C1orf21: variants seen among roughly 807,000 people sequenced by gnomAD.
C1orf21 encodes chromosome 1 open reading frame 21.
Under a neutral mutation model 18.7 loss-of-function variants are expected in C1orf21, and 3 were observed. That is an observed-to-expected ratio of 0.16 (90% confidence interval 0.07 to 0.42). The LOEUF (loss-of-function observed/expected upper bound fraction) is 0.42, where lower values mean the gene tolerates loss of function less well. Among genes scored for constraint, C1orf21 ranks in the 10% least tolerant of loss-of-function variants. The pLI, the probability that C1orf21 is intolerant of heterozygous loss-of-function variation, is 0.99. For missense variants in C1orf21, 104 were observed against 143.6 expected (o/e 0.72, Z 1.41); for synonymous variants, 41 against 46.4 (o/e 0.88, Z 0.47).
rs35574574 is a variant in C1orf21 at position 184,559,589 on chromosome 1, CCCTTCCTT to C, written c.190-31134_190-31127del. ...TCTTCCCCTCCCTCCCTCTCTTCCT[CCCTTCCTT>C]CCTTCCTTCCTTCCTCCCTCCCTCC... On this transcript the variant is annotated intron_variant, in intron 3 of 5. Coordinates refer to ENST00000235307, the MANE Select transcript of C1orf21 (RefSeq NM_030806.4). 9.1e-5 allele frequency among the ~76,000 whole-genome samples: 9 copies of C among 98,654 alleles called. No homozygotes were observed. In the East Asian group the frequency reaches 2.8e-3, roughly 31 times the overall value. The allele number at this position is 98,654 out of a possible 152,430, so 64.7% of individuals were successfully genotyped here.
intron 1 of C1orf21, among the ~76,000 whole-genome samples, chr1:184,392,042 T>G (rs1484047236): frequency 6.6e-6 from 1 of 152,232 alleles, no homozygotes; most frequent in African/African-American, 2.4e-5. Context: ...AGGAGCATCT[T>G]GATTTGGAAT....
At chr1:184,472,914 CG>C (rs1405917682) in intron 1 of C1orf21, among the ~76,000 whole-genome samples, 1 of 152,070 alleles carries the variant, frequency 6.6e-6, no homozygotes, top group East Asian at 1.9e-4. Context: ...TAAACATGCA[CG>C]GTTATACATT....
chr1:184,429,452 T>C (rs1656696508), intron 1 of C1orf21, among the ~76,000 whole-genome samples: 1 of 152,194 alleles, frequency 6.6e-6, no homozygotes, highest in East Asian at 1.9e-4. Flanking sequence ...AATTCTGTGA[T>C]TGTATGATTC....
chr1:184,410,229 G>A (rs1406906422), intron 1 of C1orf21, among the ~76,000 whole-genome samples: 1 of 152,102 alleles, frequency 6.6e-6, no homozygotes, highest in African/African-American at 2.4e-5. Flanking sequence ...TGTCTGGGTA[G>A]GTGAAGATGT....
intron 5 of C1orf21, among the ~76,000 whole-genome samples, chr1:184,599,961 C>T (rs1301226639): frequency 6.6e-6 from 1 of 152,184 alleles, no homozygotes; most frequent in Non-Finnish European, 1.5e-5. Context: ...ATAAGGAATA[C>T]TCAACCTGTA....
chr1:184,464,968 G>C (rs1250638108), intron 1 of C1orf21, among the ~76,000 whole-genome samples: 1 of 152,060 alleles, frequency 6.6e-6, no homozygotes, highest in Non-Finnish European at 1.5e-5. Context: ...AAGGGATCTT[G>C]CCGTGTTGCC....
At chr1:184,504,239 A>G (rs1658018905) in intron 2 of C1orf21, among the ~76,000 whole-genome samples, 1 of 152,184 alleles carries the variant, frequency 6.6e-6, no homozygotes, top group Non-Finnish European at 1.5e-5. Context: ...GACAAGATCA[A>G]CAGGAAGAAA....
chr1:184,617,262 T>C (rs555305034), intron 5 of C1orf21, among the ~76,000 whole-genome samples: 4 of 152,240 alleles, frequency 2.6e-5, no homozygotes, highest in East Asian at 1.9e-4. Flanking sequence ...TATGTACATA[T>C]ATACACTGGA....
intron 2 of C1orf21, among the ~76,000 whole-genome samples, chr1:184,497,102 A>G (rs1393102192): frequency 6.6e-6 from 1 of 152,300 alleles, no homozygotes; most frequent in East Asian, 1.9e-4. Flanking sequence ...ATGAATCCTC[A>G]TACCCTCTCC....
intron 3 of C1orf21, among the ~76,000 whole-genome samples, chr1:184,574,126 A>T (rs2101991268): frequency 6.6e-6 from 1 of 152,234 alleles, no homozygotes; most frequent in South Asian, 2.1e-4. Flanking sequence ...AATCGCTTGA[A>T]CTCAGGAGGT....
rs143964354 is a variant in C1orf21 at position 184,610,324 on chromosome 1, A to G, written c.328-9194A>G. Among the ~76,000 whole-genome samples the G allele has an allele frequency of 4.4e-3, 663 of 152,334 alleles. 4 individuals are homozygous for G. The highest frequency in any genetic ancestry group is 5.0e-3 in the Non-Finnish European group (343 of 68,018). On this transcript the variant is annotated intron_variant, in intron 5 of 5. Coordinates refer to ENST00000235307, the MANE Select transcript of C1orf21 (RefSeq NM_030806.4). Reference sequence around the variant, plus strand: ...GCTTACAATGGCAGAGTTGAAGCGCAGTGAGACCATATGGAATGGAAGGCC... The same window carrying G: ...GCTTACAATGGCAGAGTTGAAGCGCGGTGAGACCATATGGAATGGAAGGCC...
At chr1:184,572,000 G>T (rs1659119855) in intron 3 of C1orf21, among the ~76,000 whole-genome samples, 1 of 152,116 alleles carries the variant, frequency 6.6e-6, no homozygotes, top group Non-Finnish European at 1.5e-5. Flanking sequence ...AATAGTAATG[G>T]CTGGCATCTA....
intron 5 of C1orf21, among the ~76,000 whole-genome samples, chr1:184,605,540 C>T (rs1465177097): frequency 6.6e-6 from 1 of 152,146 alleles, no homozygotes; most frequent in Admixed American, 6.5e-5. Context: ...GAGTAGACAT[C>T]TCTACTTGGA....
At chr1:184,552,290 A>G (rs1029514192) in intron 3 of C1orf21, among the ~76,000 whole-genome samples, 1 of 152,214 alleles carries the variant, frequency 6.6e-6, no homozygotes, top group African/African-American at 2.4e-5. Flanking sequence ...TATGGAAGGA[A>G]GGTAGAAGAA....
chr1:184,576,966 T>G (rs967217359), intron 3 of C1orf21, among the ~76,000 whole-genome samples: 1 of 152,092 alleles, frequency 6.6e-6, no homozygotes, highest in African/African-American at 2.4e-5. Context: ...GTAAATGGGT[T>G]GAGACTTTTG....
intron 4 of C1orf21, among the ~76,000 whole-genome samples, chr1:184,592,795 G>A (rs140033571): frequency 0.012 from 1,858 of 152,300 alleles, 35 homozygotes; most frequent in African/African-American, 0.041. Flanking sequence ...AGTCGCTGCA[G>A]CTATGGCCAC....
rs948767150 is a variant in C1orf21 at position 184,627,402 on chromosome 1, C to T, written c.*7846C>T. The T allele has an allele frequency of 1.3e-5, 2 of 152,036 alleles. No individual in the cohort carries two copies. The highest frequency in any genetic ancestry group is 2.9e-5 in the Non-Finnish European group (2 of 68,048). The allele number at this position is 152,036 out of a possible 1,614,324, so 9.4% of individuals were successfully genotyped here. On this transcript the variant is annotated 3_prime_UTR_variant, in exon 6 of 6. Transcript: ENST00000235307. ...TATAAGCCAACACTGTTTCCAGAAACTCAAGAAAAAGCTCAAACAGAAGAC... is the reference window on the plus strand; with the variant it reads ...TATAAGCCAACACTGTTTCCAGAAATTCAAGAAAAAGCTCAAACAGAAGAC...
chr1:184,387,248 C>A lies in C1orf21; in HGVS notation c.-245C>A, dbSNP rs1557959176. The A allele has an allele frequency of 6.6e-6, 1 of 151,888 alleles. No individual in the cohort carries two copies. Among genetic ancestry groups the A allele is most frequent in the Non-Finnish European group, 1.5e-5 (1 of 68,186 alleles). 9.4% of individuals were successfully genotyped at this position (151,888 alleles called of 1,614,324 possible). Reference sequence around the variant, plus strand: ...TCCAAGCGGCGGGGAGGAGGGGGAGCCCCGGACACACTGTGGGGAGGAGGA... The same window carrying A: ...TCCAAGCGGCGGGGAGGAGGGGGAGACCCGGACACACTGTGGGGAGGAGGA... On this transcript the variant is annotated 5_prime_UTR_variant, in exon 1 of 6. Transcript: ENST00000235307. This position sits in a 1 kb window ranked among gnomAD's most constrained non-coding sequence, Gnocchi z 5.6.
intron 3 of C1orf21, among the ~76,000 whole-genome samples, chr1:184,542,964 C>T (rs1220306666): frequency 6.6e-6 from 1 of 152,130 alleles, no homozygotes; most frequent in East Asian, 1.9e-4. Context: ...GGAAACAGTG[C>T]TTTGGGGGAT....
Sources: allele counts gnomAD v4.1 joint callset (sites outside exome capture counted in the v4.1 genomes callset), GRCh38; gene constraint gnomAD v4.1.1; non-coding constraint Gnocchi (gnomAD v3.1); transcripts MANE v1.5; gene names NCBI Gene and HGNC (gene_info 2026-07-23, HGNC 2026-07-21).